ITGA11: variants seen among roughly 807,000 people sequenced by gnomAD.
The protein encoded by ITGA11 is integrin subunit alpha 11.
Under a neutral mutation model 141.9 loss-of-function variants are expected in ITGA11, and 97 were observed. The ratio of observed to expected loss-of-function variants is 0.68; its 90% CI spans 0.58 to 0.81. ITGA11 has a LOEUF of 0.81. Among genes scored for constraint, ITGA11 ranks in the 30% least tolerant of loss-of-function variants. The pLI is 0.00. For missense variants in ITGA11, 1,387 were observed against 1,559.2 expected, an observed-to-expected ratio of 0.89 and a Z score of 1.86; for synonymous variants, 658 against 624.6, an observed-to-expected ratio of 1.05 and a Z score of -0.80.
intron 20 of ITGA11, 21 bp from the exon 21 acceptor site, chr15:68,317,384 T>C (rs1323060340): frequency 1.3e-6 from 2 of 1,547,426 alleles, no homozygotes; most frequent in Non-Finnish European, 1.8e-6. Flanking sequence ...GTGGCAGACA[T>C]CATGGCAGCA....
chr15:68,306,945 T>C (rs1893219710), intron 28 of ITGA11, among the ~76,000 whole-genome samples: 1 of 152,246 alleles, frequency 6.6e-6, no homozygotes, highest in Non-Finnish European at 1.5e-5. Context: ...TTTCTTCCTT[T>C]GCCACTTCTT....
chr15:68,325,176 A>C lies in ITGA11; in HGVS notation c.2277T>G (p.His759Gln). ...SVEYSLEDPD[H>Q]GPMLDDGWPT... is the part of the protein sequence containing the mutation. ...GCCAGCCGTCGTCCAGCATGGGGCC[A>C]TGGTCAGGGTCCTCCAGGGAATACT... is the stretch of plus-strand genomic sequence containing the variant. The change falls in exon 18 of 30, where the codon CAT becomes CAG. Residue 759 changes from histidine (H) to glutamine (Q), a missense_variant. Physicochemically the swap from His to Gln is conservative, Grantham distance 24. Coordinates refer to ENST00000315757, the MANE Select transcript of ITGA11 (RefSeq NM_001004439.2). This position sits in a 1 kb window ranked among gnomAD's most constrained non-coding sequence, Gnocchi z 5.5. 3.1e-6 allele frequency: 5 copies of C among 1,613,948 alleles called. No individual in the cohort carries two copies. Among genetic ancestry groups the C allele is most frequent in the Non-Finnish European group, 4.2e-6 (5 of 1,179,878 alleles).
At position 68,307,482 on chromosome 15, in the gene ITGA11, G is replaced by T; in HGVS notation, c.3286-39C>A. 1 of 1,537,624 alleles carries T rather than the reference G, an allele frequency of 6.5e-7. No homozygotes were observed. On this transcript the variant is annotated intron_variant, in intron 27 of 29. Transcript: ENST00000315757. The surrounding 1 kb of genome is among the most constrained non-coding windows in gnomAD (Gnocchi z 6.1). ...GGGCTCGTCAGAAGCTGGCTTGGAA[G>T]CTTTTCTTCCCGTCCCCTCCCCAGG...
chr15:68,419,691 C>T (rs1896971297), intron 1 of ITGA11, among the ~76,000 whole-genome samples: 1 of 152,180 alleles, frequency 6.6e-6, no homozygotes, highest in Non-Finnish European at 1.5e-5. Flanking sequence ...AACATGAAGG[C>T]CAAACATTTA....
chr15:68,344,165 C>T (rs1223405838), intron 10 of ITGA11, among the ~76,000 whole-genome samples: 1 of 152,102 alleles, frequency 6.6e-6, no homozygotes, highest in Admixed American at 6.5e-5. Context: ...CTCGCAAACC[C>T]TTGGGACCAG....
intron 2 of ITGA11, among the ~76,000 whole-genome samples, chr15:68,398,327 A>G (rs1896373878): frequency 6.6e-6 from 1 of 151,918 alleles, no homozygotes; most frequent in Non-Finnish European, 1.5e-5. Context: ...CAAATGGAAA[A>G]CAGAAAAAGG....
chr15:68,331,790 G>T, intron 14 of ITGA11, 69 bp downstream of exon 14: 1 of 1,353,200 alleles, frequency 7.4e-7, no homozygotes, highest in South Asian at 1.3e-5. Flanking sequence ...ATGAGGCACA[G>T]AAGCTCCTGG....
At chr15:68,428,846 C>A (rs1327013973) in intron 1 of ITGA11, among the ~76,000 whole-genome samples, 2 of 152,184 alleles carry the variant, frequency 1.3e-5, no homozygotes, top group South Asian at 2.1e-4. Context: ...TTCAAGACAG[C>A]CCCGATGGTA....
intron 11 of ITGA11, among the ~76,000 whole-genome samples, chr15:68,337,492 C>T (rs1207024141): frequency 6.6e-6 from 1 of 152,154 alleles, no homozygotes; most frequent in Non-Finnish European, 1.5e-5. Context: ...AGAACCCAGA[C>T]ACTGCTCTCA....
chr15:68,324,263 T>G lies in ITGA11; in HGVS notation c.2322+868A>C, dbSNP rs1005920599. Among the ~76,000 whole-genome samples the G allele has an allele frequency of 1.3e-5, 2 of 152,048 alleles. No homozygotes were observed. The highest frequency in any genetic ancestry group is 3.9e-4 in the East Asian group (2 of 5,164). On this transcript the variant is annotated intron_variant, in intron 18 of 29. Transcript: ENST00000315757. This position sits in a 1 kb window ranked among gnomAD's most constrained non-coding sequence, Gnocchi z 6.3. ...GGGGAGGTTTTCAGGGGCATTGCTG[T>G]GGACTGTACGGTCCTTTCCTGGTGT...
At chr15:68,350,086 C>T (rs1022479204) in intron 9 of ITGA11, among the ~76,000 whole-genome samples, 2 of 152,162 alleles carry the variant, frequency 1.3e-5, no homozygotes, top group Non-Finnish European at 2.9e-5. Flanking sequence ...GTTTTCCCAG[C>T]GATAAAAATG....
At chr15:68,372,156 T>C (rs1197716164) in intron 2 of ITGA11, among the ~76,000 whole-genome samples, 2 of 152,190 alleles carry the variant, frequency 1.3e-5, no homozygotes, top group Non-Finnish European at 2.9e-5. Context: ...AGAGAGGGCC[T>C]GGGTCAGCCC....
At chr15:68,339,714 C>T in intron 10 of ITGA11, 70 bp from the exon 11 acceptor site, 3 of 1,583,814 alleles carry the variant, frequency 1.9e-6, no homozygotes, top group Non-Finnish European at 2.6e-6. Flanking sequence ...CACATCAGGT[C>T]CTATGACCAG....
At chr15:68,417,205 C>T (rs1896908930) in intron 1 of ITGA11, among the ~76,000 whole-genome samples, 1 of 152,288 alleles carries the variant, frequency 6.6e-6, no homozygotes, top group Non-Finnish European at 1.5e-5. Flanking sequence ...TGTCTCATAA[C>T]ATCTCACATT....
At chr15:68,363,778 C>T (rs1030522099) in intron 4 of ITGA11, among the ~76,000 whole-genome samples, 1 of 152,202 alleles carries the variant, frequency 6.6e-6, no homozygotes, top group Non-Finnish European at 1.5e-5. Flanking sequence ...CAACGCAGCT[C>T]ACTCCAAGGT....
At chr15:68,407,237 G>T (rs1329227524) in intron 1 of ITGA11, among the ~76,000 whole-genome samples, 1 of 152,158 alleles carries the variant, frequency 6.6e-6, no homozygotes, top group Non-Finnish European at 1.5e-5. Context: ...CCCAGGGGAA[G>T]GTGGGACTAG....
intron 2 of ITGA11, among the ~76,000 whole-genome samples, chr15:68,401,683 T>C (rs1896514422): frequency 6.6e-6 from 1 of 152,040 alleles, no homozygotes; most frequent in African/African-American, 2.4e-5. Flanking sequence ...AGTGGGTCCC[T>C]GGAGGGGCAC....
chr15:68,314,136 C>T (rs2271726), intron 22 of ITGA11, among the ~76,000 whole-genome samples: 6,914 of 152,236 alleles, frequency 0.045, 288 homozygotes, highest in African/African-American at 0.11. Flanking sequence ...TGGCCTGGCA[C>T]GGACTGGACC....
In ITGA11 at chr15:68,350,646, G is replaced by A. The variant is rs1369626161; in HGVS notation, c.1031C>T (p.Ala344Val). The A allele has an allele frequency of 1.9e-6, 3 of 1,613,854 alleles. No homozygotes were observed. Among genetic ancestry groups the A allele is most frequent in the Non-Finnish European group, 2.5e-6 (3 of 1,179,828 alleles). The change falls in exon 9 of 30, where the codon GCC becomes GTC. Residue 344 changes from alanine to valine, a missense_variant. Transcript: ENST00000315757. Reference protein sequence around the residue: ...DEAALKDIVDALGDRIFSLEG... With the variant: ...DEAALKDIVDVLGDRIFSLEG... Reference sequence around the variant, plus strand: ...CAGGCTGAAGATTCTGTCCCCCAGGGCATCGACAATGTCCTTCAAGGCAGC... The same window carrying A: ...CAGGCTGAAGATTCTGTCCCCCAGGACATCGACAATGTCCTTCAAGGCAGC...
Sources: gnomAD v4.1 joint callset for allele counts (sites outside exome capture counted in the v4.1 genomes callset) on GRCh38, gnomAD v4.1.1 for gene constraint, Gnocchi (gnomAD v3.1) non-coding constraint, MANE v1.5 for transcripts, NCBI Gene and HGNC (gene_info 2026-07-23, HGNC 2026-07-21) for gene names.